RABGEF1: variants seen among roughly 807,000 people sequenced by gnomAD.
RABGEF1 encodes the protein rab5 GDP/GTP exchange factor.
A neutral mutation model predicts 57.3 loss-of-function variants in RABGEF1; 26 were observed. The observed-to-expected ratio is 0.45, with a 90% CI of 0.33 to 0.63. The LOEUF is 0.63. Among genes scored for constraint, RABGEF1 ranks in the 20% least tolerant of loss-of-function variants. The pLI, the probability that RABGEF1 is intolerant of heterozygous loss-of-function variation, is 0.02. For missense variants in RABGEF1, 464 were observed against 607.6 expected (o/e 0.76, Z 2.48); for synonymous variants, 185 against 210.7 (o/e 0.88, Z 1.06).
chr7:66,766,807 C>T (rs1332508124), intron 1 of RABGEF1, among the ~76,000 whole-genome samples: 1 of 151,958 alleles, frequency 6.6e-6, no homozygotes, highest in Non-Finnish European at 1.5e-5. Context: ...TTACTGCAGC[C>T]TCTGCCTCCC....
chr7:66,687,637 G>A (rs1790888832), intron 1 of RABGEF1, among the ~76,000 whole-genome samples: 1 of 152,204 alleles, frequency 6.6e-6, no homozygotes, highest in African/African-American at 2.4e-5. Flanking sequence ...AAATGAATAG[G>A]TGGATGACAG....
At chr7:66,691,756 A>T (rs1791548519) in intron 1 of RABGEF1, among the ~76,000 whole-genome samples, 1 of 152,132 alleles carries the variant, frequency 6.6e-6, no homozygotes, top group East Asian at 1.9e-4. Context: ...AGCATGTTTA[A>T]GACAGGCTAA....
chr7:66,670,983 CATT>C, the RABGEF1 span, among the ~76,000 whole-genome samples: 1 of 151,466 alleles, frequency 6.6e-6, no homozygotes, highest in Non-Finnish European at 1.5e-5. Context: ...GTGATACTCT[CATT>C]ATTTATGTAT....
intron 2 of RABGEF1, among the ~76,000 whole-genome samples, chr7:66,774,598 CT>C (rs1478231996): frequency 6.6e-6 from 1 of 152,152 alleles, no homozygotes; most frequent in East Asian, 1.9e-4. Flanking sequence ...ACTTAGAATC[CT>C]ATTCAGCCTT....
the RABGEF1 span, among the ~76,000 whole-genome samples, chr7:66,658,919 C>T: frequency 3.3e-5 from 5 of 151,768 alleles, no homozygotes; most frequent in Admixed American, 1.3e-4. Context: ...GTATTTTTAG[C>T]GGAGACGGGG....
At chr7:66,685,242 C>T (rs1790433532) in intron 1 of RABGEF1, among the ~76,000 whole-genome samples, 1 of 150,918 alleles carries the variant, frequency 6.6e-6, no homozygotes, top group Non-Finnish European at 1.5e-5. Context: ...CAACCTCCAC[C>T]TCCTGGGTTC....
chr7:66,766,219 G>A (rs1805662351), intron 1 of RABGEF1, among the ~76,000 whole-genome samples: 1 of 151,178 alleles, frequency 6.6e-6, no homozygotes, highest in Non-Finnish European at 1.5e-5. Context: ...GAGTGGTGGA[G>A]TATTGCTTGA....
chr7:66,765,934 A>T (rs1464223532), intron 1 of RABGEF1, among the ~76,000 whole-genome samples: 1 of 152,198 alleles, frequency 6.6e-6, no homozygotes, highest in Non-Finnish European at 1.5e-5. Flanking sequence ...ATTGAGTAGT[A>T]CTATCATACT....
intron 2 of RABGEF1, among the ~76,000 whole-genome samples, chr7:66,732,906 C>G (rs1797506254): frequency 6.6e-6 from 1 of 152,170 alleles, no homozygotes; most frequent in Non-Finnish European, 1.5e-5. Flanking sequence ...ATTCCCTGAC[C>G]CCAGGCTCGC....
At chr7:66,787,355 T>TG (rs1265555208) in intron 4 of RABGEF1, among the ~76,000 whole-genome samples, 2 of 140,756 alleles carry the variant, frequency 1.4e-5, no homozygotes, top group Non-Finnish European at 3.1e-5. Flanking sequence ...TTTTTTTTTT[T>TG]TTTTTTAAGA....
At chr7:66,787,552 C>T (rs1285539443) in intron 4 of RABGEF1, among the ~76,000 whole-genome samples, 1 of 152,010 alleles carries the variant, frequency 6.6e-6, no homozygotes, top group Non-Finnish European at 1.5e-5. Context: ...ACTCTGTTAG[C>T]CAGGCTGGTC....
Position 66,809,094 on chromosome 7 carries a change from A to G in RABGEF1, c.1286A>G (p.Asn429Ser), listed in dbSNP as rs370317967. The part of the protein sequence containing the change: ...QLNERQERIM[N>S]EAKKLEKDLI... Reference sequence around the variant, plus strand: ...AATGAACGACAAGAAAGGATCATGAATGAAGCCAAGAAACTGGAAAAAGAC... The same window carrying G: ...AATGAACGACAAGAAAGGATCATGAGTGAAGCCAAGAAACTGGAAAAAGAC... Residue 429 changes from asparagine (N) to serine (S), a missense_variant, in exon 9 of 9, where the codon AAT becomes AGT. By Grantham distance (46) the Asn-to-Ser change is conservative (BLOSUM62 1). Transcript: ENST00000284957. The G allele has an allele frequency of 6.2e-7, 1 of 1,614,094 alleles. No individual in the cohort carries two copies. The highest frequency in any genetic ancestry group is 1.3e-5 in the African/African-American group (1 of 74,948).
At chr7:66,711,884 A>T (rs1794829750) in intron 1 of RABGEF1, among the ~76,000 whole-genome samples, 1 of 151,870 alleles carries the variant, frequency 6.6e-6, no homozygotes, top group African/African-American at 2.4e-5. Context: ...CTGCACCCGG[A>T]CTGTATACTC....
chr7:66,737,421 C>A (rs758098680), upstream of RABGEF1, among the ~76,000 whole-genome samples: 82 of 150,804 alleles, frequency 5.4e-4, no homozygotes, highest in Middle Eastern at 3.4e-3. Flanking sequence ...ACCTGGCTAT[C>A]CTACGCAATA....
At chr7:66,658,561 A>T in the RABGEF1 span, among the ~76,000 whole-genome samples, 1 of 152,008 alleles carries the variant, frequency 6.6e-6, no homozygotes, top group East Asian at 1.9e-4. Flanking sequence ...AGAAAAAGAA[A>T]ATATGGGTAA....
rs1437350332 is a variant in RABGEF1 at position 66,771,895 on chromosome 7, A to G, written c.-5A>G. The G allele has an allele frequency of 4.0e-6, 6 of 1,497,452 alleles. No homozygotes were observed. The African/African-American group carries it at 4.3e-5, about 11-fold the overall frequency. 92.8% of individuals were successfully genotyped at this position (1,497,452 alleles called of 1,614,324 possible). On this transcript the variant is annotated 5_prime_UTR_variant, in exon 2 of 9. Transcript: ENST00000284957. ...CTTGTTTGTTCAGTGGTTAGCAGGA[A>G]GAAGATGAGCCTTAAGTCTGAACGC...
intron 1 of RABGEF1, among the ~76,000 whole-genome samples, chr7:66,744,220 T>C (rs1379119557): frequency 6.6e-6 from 1 of 151,756 alleles, no homozygotes; most frequent in Non-Finnish European, 1.5e-5. Context: ...ATTACTGCTA[T>C]CTTGTATTTT....
upstream of RABGEF1, among the ~76,000 whole-genome samples, chr7:66,738,029 T>G (rs1176526415): frequency 3.7e-4 from 53 of 143,640 alleles, no homozygotes; most frequent in East Asian, 6.3e-4. Context: ...TTTTGTTTTT[T>G]TTTTTTTTTG....
chr7:66,743,416 C>T (rs914931724), intron 1 of RABGEF1, among the ~76,000 whole-genome samples: 1 of 152,040 alleles, frequency 6.6e-6, no homozygotes, highest in East Asian at 1.9e-4. Flanking sequence ...CCTCCACCAC[C>T]CATGCTTAAG....
Sources: allele counts gnomAD v4.1 joint callset (sites outside exome capture counted in the v4.1 genomes callset), GRCh38; gene constraint gnomAD v4.1.1; transcripts MANE v1.5; gene names NCBI Gene and HGNC (gene_info 2026-07-23, HGNC 2026-07-21).